The following MAP3K6 variants were observed in gnomAD, a reference collection of about 807,000 sequenced individuals.
MAP3K6 encodes the protein mitogen-activated protein kinase kinase kinase 6, also known as apoptosis signal-regulating kinase 2.
A neutral mutation model predicts 147.1 loss-of-function variants in MAP3K6; 105 were observed. That is an observed-to-expected ratio of 0.71 (90% confidence interval 0.61 to 0.84). The LOEUF is 0.84. Among genes scored for constraint, MAP3K6 ranks in the 40% least tolerant of loss-of-function variants. The pLI is 0.00. For missense variants in MAP3K6, 1,569 were observed against 1,715.0 expected (o/e 0.91, Z 1.50); for synonymous variants, 695 against 732.4 (o/e 0.95, Z 0.82).
At chr1:27,363,061 G>A in intron 6 of MAP3K6, 40 bp from the exon 7 acceptor site, 2 of 1,575,732 alleles carry the variant, frequency 1.3e-6, no homozygotes, top group Non-Finnish European at 1.7e-6. Flanking sequence ...TGATGGCCCT[G>A]GCCTACTCTG....
rs2015766140 is a variant in MAP3K6 at position 27,361,443 on chromosome 1, G to A, written c.1687-48C>T. The A allele has an allele frequency of 1.3e-5, 21 of 1,611,326 alleles. 1 individual carries two copies. In the East Asian group the frequency reaches 4.2e-4, roughly 33 times the overall value. ...ATGGGGAGTGCTGGTGACAGGAGAG[G>A]GGTCTGAGGATGGGAGAAAGGCTCC... is the stretch of plus-strand genomic sequence containing the variant. On this transcript the variant is annotated intron_variant, in intron 11 of 28. Transcript: ENST00000357582.
chr1:27,363,333 C>T (rs2015853535), intron 6 of MAP3K6, 109 bp downstream of exon 6: 1 of 942,240 alleles, frequency 1.1e-6, no homozygotes, highest in African/African-American at 1.7e-5. Context: ...CCCCGGTCAG[C>T]AAATTCCCCG....
chr1:27,360,880 G>A lies in MAP3K6; in HGVS notation c.1920+41C>T, dbSNP rs1416322032. The stretch of plus-strand genomic sequence containing the variant: ...GAGATGGGAGTTCAGCAGGGCCCGC[G>A]GCCCCTCGCCCTCCGCGAGCTCCCA... On this transcript the variant is annotated intron_variant, in intron 14 of 28. Transcript: ENST00000357582. The surrounding 1 kb of genome is among the most constrained non-coding windows in gnomAD (Gnocchi z 4.5). 1.9e-6 allele frequency: 3 copies of A among 1,609,944 alleles called. No individual in the cohort carries two copies. The highest frequency in any genetic ancestry group is 2.5e-6 in the Non-Finnish European group (3 of 1,178,208).
At position 27,360,557 on chromosome 1, in the gene MAP3K6, C is replaced by A. The variant is rs1251551492; in HGVS notation, c.2054+148G>T. The A allele has an allele frequency of 3.6e-6, 5 of 1,392,992 alleles. No homozygotes were observed. The African/African-American group carries it at 7.2e-5, about 20-fold the overall frequency. The allele number at this position is 1,392,992 out of a possible 1,614,324, so 86.3% of individuals were successfully genotyped here. Reference sequence around the variant, plus strand: ...CCCGCCCGCACGGTCCTGGCTGTTCCGCCCACGGGCCCAGTCCACAGGGCT... The same window carrying A: ...CCCGCCCGCACGGTCCTGGCTGTTCAGCCCACGGGCCCAGTCCACAGGGCT... On this transcript the variant is annotated intron_variant, in intron 15 of 28. Transcript: ENST00000357582. The surrounding 1 kb of genome is among the most constrained non-coding windows in gnomAD (Gnocchi z 4.5).
Position 27,361,872 on chromosome 1 carries a change from A to C in MAP3K6, c.1416-5T>G, listed in dbSNP as rs759191033. 5.2e-6 allele frequency: 8 copies of C among 1,535,836 alleles called. No homozygotes were observed. Among genetic ancestry groups the C allele is most frequent in the Non-Finnish European group, 8.8e-7 (1 of 1,138,642 alleles). ...TCCATCACGGACACCAGGTACCTGC[A>C]TGCAAAGCCACATCCTCAGTTCAGC... On this transcript the variant is annotated splice_region_variant and splice_polypyrimidine_tract_variant and intron_variant, in intron 9 of 28. Coordinates refer to ENST00000357582, the MANE Select transcript of MAP3K6 (RefSeq NM_004672.5).
In MAP3K6 at chr1:27,357,776, C is replaced by A; in HGVS notation, c.3016G>T (p.Ala1006Ser). ...GCTGGCAGCTCCTGCTCCAATACTG[C>A]GGCCAGCATGGCCCGACGCTTGCTC... ...QESKRRAMLAAVLEQELPALA... is the reference protein window; with the variant it reads ...QESKRRAMLASVLEQELPALA... The change falls in exon 22 of 29, where the codon GCA becomes TCA. Residue 1006 changes from alanine (A) to serine (S), a missense_variant. By Grantham distance (99) the Ala-to-Ser change is moderately conservative. Transcript: ENST00000357582. The A allele has an allele frequency of 6.2e-7, 1 of 1,610,532 alleles. No individual in the cohort carries two copies. The highest frequency in any genetic ancestry group is 1.7e-4 in the Middle Eastern group (1 of 6,054).
rs2015703525 is a variant in MAP3K6 at position 27,360,394 on chromosome 1, A to G, written c.2055-26T>C. The G allele has an allele frequency of 2.7e-5, 44 of 1,607,590 alleles. 1 individual carries two copies. The East Asian group carries it at 9.6e-4, about 35-fold the overall frequency. ...CTGAGGGGAGGTAAGGGAGAGAGGA[A>G]AGGGACCGAGGTGGGCAGAGAAGCC... is the stretch of plus-strand genomic sequence containing the variant. On this transcript the variant is annotated intron_variant, in intron 15 of 28. Coordinates refer to ENST00000357582, the MANE Select transcript of MAP3K6 (RefSeq NM_004672.5). The surrounding 1 kb of genome is among the most constrained non-coding windows in gnomAD (Gnocchi z 4.5).
In MAP3K6 at chr1:27,357,638, G is replaced by A; in HGVS notation, c.3082-62C>T. 7 of 1,588,270 alleles carry A rather than the reference G, an allele frequency of 4.4e-6. No homozygotes were observed. In the South Asian group the frequency reaches 5.5e-5, roughly 13 times the overall value. ...AGCCAAAAGAGACGCTGCCGCGGAG[G>A]TAGGGGGCGGGGACATCAACAGGTG... On this transcript the variant is annotated intron_variant, in intron 22 of 28. Coordinates refer to ENST00000357582, the MANE Select transcript of MAP3K6 (RefSeq NM_004672.5).
intron 27 of MAP3K6, 60 bp downstream of exon 27, chr1:27,355,966 G>A (rs1274646121): frequency 1.3e-6 from 2 of 1,489,008 alleles, no homozygotes. Flanking sequence ...GCAGGAAGAT[G>A]GACAGAGATG....
Position 27,358,063 on chromosome 1 carries a change from C to T in MAP3K6, c.2915+118G>A. 2 of 1,507,104 alleles carry T rather than the reference C, an allele frequency of 1.3e-6. No homozygotes were observed. Among genetic ancestry groups the T allele is most frequent in the Non-Finnish European group, 1.8e-6 (2 of 1,129,260 alleles). The allele number at this position is 1,507,104 out of a possible 1,614,324, so 93.4% of individuals were successfully genotyped here. ...TGCCAGAACAGGGCATGGGGAGGCA[C>T]CAAATGCCACATTCACAAGTGGTCA... On this transcript the variant is annotated intron_variant, in intron 21 of 28. Transcript: ENST00000357582. The surrounding 1 kb of genome is among the most constrained non-coding windows in gnomAD (Gnocchi z 6.2).
Position 27,356,763 on chromosome 1 carries a change from C to A in MAP3K6, c.3365-14G>T, listed in dbSNP as rs2148046707. The stretch of plus-strand genomic sequence containing the variant: ...CCTTCTCCACCTCTGCAGCCCAGTG[C>A]GGTGAACTCAGGCAAGGCTACAACG... On this transcript the variant is annotated splice_polypyrimidine_tract_variant and intron_variant, in intron 24 of 28. Transcript: ENST00000357582. The A allele has an allele frequency of 1.3e-6, 2 of 1,540,324 alleles. No homozygotes were observed. Among genetic ancestry groups the A allele is most frequent in the South Asian group, 1.3e-5 (1 of 79,618 alleles).
In MAP3K6 at chr1:27,360,467, C is replaced by T. The variant is rs2015706759; in HGVS notation, c.2055-99G>A. 6.9e-7 allele frequency: 1 copy of T among 1,450,500 alleles called. No individual in the cohort carries two copies. The highest frequency in any genetic ancestry group is 9.2e-7 in the Non-Finnish European group (1 of 1,083,994). 89.9% of individuals were successfully genotyped at this position (1,450,500 alleles called of 1,614,324 possible). A position where few individuals can be genotyped will look rare whatever the true frequency, so the allele number is the denominator to read the frequency against. ...GCCCCGCCCCAAGGACCCGCCCCGC[C>T]CACAAGCCCTCTCCGACCTTCCCCA... On this transcript the variant is annotated intron_variant, in intron 15 of 28. Transcript: ENST00000357582. This position sits in a 1 kb window ranked among gnomAD's most constrained non-coding sequence, Gnocchi z 4.5.
chr1:27,356,652 C>T lies in MAP3K6; in HGVS notation c.3462G>A (p.Glu1154=), dbSNP rs1195069639. 6.2e-7 allele frequency: 1 copy of T among 1,612,132 alleles called. No individual in the cohort carries two copies. The highest frequency in any genetic ancestry group is 1.3e-5 in the African/African-American group (1 of 75,028). ...SPGQQSPLPV[E]PEQGPAPLMV... ...TCAGAGGAGCGGGGCCCTGCTCGGG[C>T]TCCACCGGAAGCGGGCTCTGCTGGC... Residue 1154 remains glutamate (E), a synonymous_variant, in exon 25 of 29, where the codon GAG becomes GAA. Coordinates refer to ENST00000357582, the MANE Select transcript of MAP3K6 (RefSeq NM_004672.5).
Position 27,364,495 on chromosome 1 carries a change from C to G in MAP3K6, c.505-101G>C. ...GGTCAGCATCAGTGGGAATTGGAAT[C>G]GCAGGAAAGGGGCACCCGTCATGAG... On this transcript the variant is annotated intron_variant, in intron 3 of 28. Transcript: ENST00000357582. The surrounding 1 kb of genome is among the most constrained non-coding windows in gnomAD (Gnocchi z 4.4). 1 of 1,546,990 alleles carries G rather than the reference C, an allele frequency of 6.5e-7. No individual in the cohort carries two copies. The highest frequency in any genetic ancestry group is 1.7e-4 in the Middle Eastern group (1 of 5,872).
In MAP3K6 at chr1:27,361,337, G is replaced by A. The variant is rs1293923483; in HGVS notation, c.1736+9C>T. The A allele has an allele frequency of 2.5e-6, 4 of 1,613,798 alleles. No individual in the cohort carries two copies. Among genetic ancestry groups the A allele is most frequent in the African/African-American group, 2.7e-5 (2 of 74,934 alleles). On this transcript the variant is annotated intron_variant, in intron 12 of 28. Transcript: ENST00000357582. ...CGTCTTTCCAGTCACCCCAGGTCCCGCCTATCACCTGACTCCGCATATGGA... is the reference window on the plus strand; with the variant it reads ...CGTCTTTCCAGTCACCCCAGGTCCCACCTATCACCTGACTCCGCATATGGA...
intron 23 of MAP3K6, 130 bp from the exon 24 acceptor site, chr1:27,357,244 T>A: frequency 7.8e-7 from 1 of 1,287,864 alleles, no homozygotes; most frequent in Non-Finnish European, 1.1e-6. Flanking sequence ...AGGGAAGGCC[T>A]GGGAAGCTAG....
Position 27,360,470 on chromosome 1 carries a change from C to A in MAP3K6, c.2055-102G>T. 1 of 1,435,538 alleles carries A rather than the reference C, an allele frequency of 7.0e-7. No individual in the cohort carries two copies. The highest frequency in any genetic ancestry group is 9.3e-7 in the Non-Finnish European group (1 of 1,072,940). 88.9% of individuals were successfully genotyped at this position (1,435,538 alleles called of 1,614,324 possible). A position where few individuals can be genotyped will look rare whatever the true frequency, so the allele number is the denominator to read the frequency against. On this transcript the variant is annotated intron_variant, in intron 15 of 28. Coordinates refer to ENST00000357582, the MANE Select transcript of MAP3K6 (RefSeq NM_004672.5). The surrounding 1 kb of genome is among the most constrained non-coding windows in gnomAD (Gnocchi z 4.5). Reference sequence around the variant, plus strand: ...CCGCCCCAAGGACCCGCCCCGCCCACAAGCCCTCTCCGACCTTCCCCACCC... The same window carrying A: ...CCGCCCCAAGGACCCGCCCCGCCCAAAAGCCCTCTCCGACCTTCCCCACCC...
At chr1:27,356,986 G>A (rs1178908125) in intron 24 of MAP3K6, 23 bp downstream of exon 24, 3 of 1,606,470 alleles carry the variant, frequency 1.9e-6, no homozygotes, top group Admixed American at 1.7e-5. Context: ...GCTGGCAGGA[G>A]GCCCGTGGCA....
chr1:27,361,787 C>T lies in MAP3K6; in HGVS notation c.1496G>A (p.Arg499His), dbSNP rs754114751. The change falls in exon 10 of 29, where the codon CGC (arginine) becomes CAC (histidine). Residue 499 changes from arginine (R) to histidine (H), a missense_variant. Physicochemically the swap from Arg to His is conservative, Grantham distance 29 (BLOSUM62 0). Transcript: ENST00000357582. ...GAAGTGGAGCCAGAAGTGGGCACGGCGTGGTGGCCCTCCAGGGGGCTCTGG... is the reference window on the plus strand; with the variant it reads ...GAAGTGGAGCCAGAAGTGGGCACGGTGTGGTGGCCCTCCAGGGGGCTCTGG... ...PTPEPPGGPP[R>H]RAHFWLHFLL... 37 of 1,611,540 alleles carry T rather than the reference C, an allele frequency of 2.3e-5. No individual in the cohort carries two copies. Among genetic ancestry groups the T allele is most frequent in the Non-Finnish European group, 3.1e-5 (36 of 1,178,808 alleles).
Sources: allele counts gnomAD v4.1 joint callset, GRCh38; gene constraint gnomAD v4.1.1; non-coding constraint Gnocchi (gnomAD v3.1); transcripts MANE v1.5; gene names NCBI Gene and HGNC (gene_info 2026-07-23, HGNC 2026-07-21).